Variants in CTNNA2 observed in about 807,000 individuals in gnomAD.
The protein encoded by CTNNA2 is catenin alpha-2.
In CTNNA2, 42 loss-of-function variants were observed where a neutral mutation model predicts 101.0. That is an observed-to-expected ratio of 0.42 (90% CI 0.32 to 0.54). The LOEUF is 0.54. Ranked by LOEUF, CTNNA2 falls within the 20% of genes least tolerant of loss-of-function variation. The probability of loss-of-function intolerance (pLI) is 0.14; values close to 1 mark genes in which losing one functional copy is unlikely to be tolerated. For missense variants in CTNNA2, 871 were observed against 1,223.1 expected, an observed-to-expected ratio of 0.71 and a Z score of 4.29; for synonymous variants, 450 against 456.4, an observed-to-expected ratio of 0.99 and a Z score of 0.18.
At position 80,302,289 on chromosome 2, in the gene CTNNA2, T is replaced by C; in HGVS notation, c.1057-90922T>C. On this transcript the variant is annotated intron_variant, in intron 7 of 18. Transcript: ENST00000402739. This position sits in a 1 kb window ranked among gnomAD's most constrained non-coding sequence, Gnocchi z 6.4. ...TCCCTCGCGGGCTGCTGGTGGCAGG[T>C]ACACGAGCCATACTCGTTGATGATC... 2 of 1,613,540 alleles carry C rather than the reference T, an allele frequency of 1.2e-6. No individual in the cohort carries two copies. The highest frequency in any genetic ancestry group is 1.7e-6 in the Non-Finnish European group (2 of 1,179,906).
chr2:80,349,426 G>T, intron 7 of CTNNA2, among the ~76,000 whole-genome samples: 1 of 152,100 alleles, frequency 6.6e-6, no homozygotes, highest in East Asian at 1.9e-4. Context: ...TAAACTTGAT[G>T]CTGAAACCCT....
chr2:79,310,592 GAGA>G (rs1676345049), intron 2 of CTNNA2, among the ~76,000 whole-genome samples: 1 of 152,182 alleles, frequency 6.6e-6, no homozygotes, highest in Admixed American at 6.5e-5. Flanking sequence ...AACAGGTGAG[GAGA>G]AGGATTTAAA....
rs77847918 is a variant in CTNNA2 at position 79,712,440 on chromosome 2, A to G, written c.103-31947A>G. 5.2e-3 allele frequency among the ~76,000 whole-genome samples: 789 copies of G among 152,356 alleles called. 6 individuals are homozygous for G. The highest frequency in any genetic ancestry group is 0.018 in the African/African-American group (753 of 41,570). On this transcript the variant is annotated intron_variant, in intron 2 of 18. Coordinates refer to ENST00000402739, the MANE Select transcript of CTNNA2 (RefSeq NM_001282597.3). ...GCTTTAGAAAATTATTATTAAGACT[A>G]TCAGAGTAATGTATGTATTAAGTTG...
chr2:79,662,149 TCTG>T (rs1371152958), intron 2 of CTNNA2, among the ~76,000 whole-genome samples: 1 of 151,942 alleles, frequency 6.6e-6, no homozygotes, highest in Non-Finnish European at 1.5e-5. Context: ...TTTGTCCAAA[TCTG>T]CTGTTTGCTG....
At chr2:80,098,318 G>A (rs200980023) in intron 7 of CTNNA2, among the ~76,000 whole-genome samples, 8 of 150,582 alleles carry the variant, frequency 5.3e-5, no homozygotes, top group South Asian at 2.1e-4. Flanking sequence ...CTGCAGAACA[G>A]CGGATATTGG....
chr2:79,674,133 C>T (rs1047163023), intron 2 of CTNNA2, among the ~76,000 whole-genome samples: 6 of 152,122 alleles, frequency 3.9e-5, no homozygotes, highest in Non-Finnish European at 5.9e-5. Context: ...TTGCTCTGCA[C>T]GATCTGAGAC....
intron 3 of CTNNA2, among the ~76,000 whole-genome samples, chr2:79,749,309 G>T (rs1486915655): frequency 6.6e-6 from 1 of 152,042 alleles, no homozygotes; most frequent in Admixed American, 6.6e-5. Flanking sequence ...TTGCTCTCAG[G>T]TGTGTTTATA....
intron 9 of CTNNA2, among the ~76,000 whole-genome samples, chr2:80,440,515 G>T (rs533924960): frequency 5.3e-5 from 8 of 152,138 alleles, no homozygotes; most frequent in Admixed American, 5.2e-4. Context: ...TGCATATTTG[G>T]GCATAGGACT....
intron 9 of CTNNA2, among the ~76,000 whole-genome samples, chr2:80,478,358 T>C (rs2149495462): frequency 6.6e-6 from 1 of 152,268 alleles, no homozygotes; most frequent in East Asian, 1.9e-4. Context: ...TTTTTATCTG[T>C]TGATTATTTC....
chr2:79,630,149 A>G (rs1380918412), intron 1 of CTNNA2, among the ~76,000 whole-genome samples: 1 of 152,136 alleles, frequency 6.6e-6, no homozygotes, highest in African/African-American at 2.4e-5. Flanking sequence ...CCGTACCACA[A>G]TATAGACCCT....
chr2:80,065,617 G>T (rs1558774191), intron 7 of CTNNA2, among the ~76,000 whole-genome samples: 2 of 152,070 alleles, frequency 1.3e-5, no homozygotes, highest in African/African-American at 4.8e-5. Flanking sequence ...CTCCCAAAGT[G>T]CTGGGATTAC....
intron 1 of CTNNA2, among the ~76,000 whole-genome samples, chr2:79,188,885 T>C (rs574822493): frequency 6.6e-6 from 1 of 152,290 alleles, no homozygotes; most frequent in Non-Finnish European, 1.5e-5. Context: ...TTGAAAGCAA[T>C]ACACAATGTT....
intron 7 of CTNNA2, among the ~76,000 whole-genome samples, chr2:80,381,983 G>A (rs752751338): frequency 7.2e-5 from 11 of 152,082 alleles, no homozygotes; most frequent in Non-Finnish European, 1.3e-4. Flanking sequence ...AAAAGCTTTG[G>A]CTCCTAGAAA....
chr2:79,565,956 A>G (rs1185387041), intron 1 of CTNNA2, among the ~76,000 whole-genome samples: 1 of 152,106 alleles, frequency 6.6e-6, no homozygotes, highest in African/African-American at 2.4e-5. Context: ...GATCTTTAAC[A>G]TACATAGAAT....
chr2:79,827,742 G>A (rs537924679), intron 3 of CTNNA2, among the ~76,000 whole-genome samples: 1 of 152,188 alleles, frequency 6.6e-6, no homozygotes, highest in Admixed American at 6.5e-5. Flanking sequence ...AGTCTTATGT[G>A]TCAACAATAC....
At chr2:80,209,989 G>C (rs1479220484) in intron 7 of CTNNA2, among the ~76,000 whole-genome samples, 1 of 152,110 alleles carries the variant, frequency 6.6e-6, no homozygotes, top group African/African-American at 2.4e-5. Flanking sequence ...TGTTAGCTTG[G>C]TGTGGTTTAT....
chr2:80,161,330 A>G (rs1704305719), intron 7 of CTNNA2, among the ~76,000 whole-genome samples: 1 of 151,928 alleles, frequency 6.6e-6, no homozygotes, highest in African/African-American at 2.4e-5. Flanking sequence ...GCTTATCATT[A>G]TTATTATTAT....
At chr2:79,838,554 C>T (rs1679565516) in intron 3 of CTNNA2, among the ~76,000 whole-genome samples, 1 of 152,060 alleles carries the variant, frequency 6.6e-6, no homozygotes, top group Non-Finnish European at 1.5e-5. Context: ...TAAGAACATA[C>T]TCTGATTAGA....
chr2:80,647,919 C>CTTTT lies in CTNNA2; in HGVS notation c.*49_*52dup. ...AGCTTTTTCTTTCTTTTCTTTCTTT[C>CTTTT]TTTTTCTTTTTAATTCCATTTTTGT... On this transcript the variant is annotated 3_prime_UTR_variant, in exon 19 of 19. Transcript: ENST00000402739. 1 of 1,512,434 alleles carries CTTTT rather than the reference C, an allele frequency of 6.6e-7. No homozygotes were observed. The highest frequency in any genetic ancestry group is 8.9e-7 in the Non-Finnish European group (1 of 1,129,796). The allele number at this position is 1,512,434 out of a possible 1,614,324, so 93.7% of individuals were successfully genotyped here.
Sources: gnomAD v4.1 joint callset for allele counts (sites outside exome capture counted in the v4.1 genomes callset) on GRCh38, gnomAD v4.1.1 for gene constraint, Gnocchi (gnomAD v3.1) non-coding constraint, MANE v1.5 for transcripts, NCBI Gene and HGNC (gene_info 2026-07-23, HGNC 2026-07-21) for gene names.